Variants in CBFA2T2 observed in about 807,000 individuals in gnomAD.
The protein encoded by CBFA2T2 is protein CBFA2T2.
A neutral mutation model predicts 62.2 loss-of-function variants in CBFA2T2; 11 were observed. The observed-to-expected ratio is 0.18, with a 90% CI of 0.11 to 0.29. CBFA2T2 has a LOEUF of 0.29. CBFA2T2 is among the 10% of genes least tolerant of loss of function. CBFA2T2 has a pLI of 1.00. For synonymous variants in CBFA2T2, 295 were observed against 287.5 expected (o/e 1.03, Z -0.27); for missense variants, 592 against 774.1 (o/e 0.76, Z 2.79).
intron 9 of CBFA2T2, chr20:33,639,403 T>A (rs1325912160): frequency 2.0e-5 from 3 of 152,084 alleles, no homozygotes; most frequent in Admixed American, 2.0e-4. Flanking sequence ...TGAAACCCTG[T>A]CTCTATTAAA....
chr20:33,557,551 G>T lies in CBFA2T2; in HGVS notation c.35-49405G>T, dbSNP rs2012939454. ...AGACAGGGTCTCACTCTGTCACCCAGGGTGAAGTGCAGTGGTGGGATCATA... is the reference window on the plus strand; with the variant it reads ...AGACAGGGTCTCACTCTGTCACCCATGGTGAAGTGCAGTGGTGGGATCATA... On this transcript the variant is annotated intron_variant, in intron 1 of 10. Transcript: ENST00000342704. Among the ~76,000 whole-genome samples the T allele has an allele frequency of 2.6e-5, 4 of 152,222 alleles. No individual in the cohort carries two copies. In the South Asian group the frequency reaches 8.3e-4, roughly 32 times the overall value.
Position 33,498,783 on chromosome 20 carries a change from C to T in CBFA2T2, c.34+8482C>T, listed in dbSNP as rs139527641. ...AATGGCCAGGCACAGTGGCTCATAC[C>T]TGTAACCCCAGCACTTTGGGAGGCC... On this transcript the variant is annotated intron_variant, in intron 1 of 10. Coordinates refer to ENST00000342704, the MANE Select transcript of CBFA2T2 (RefSeq NM_001032999.3). Among the ~76,000 whole-genome samples the T allele has an allele frequency of 6.0e-3, 918 of 152,018 alleles. 14 individuals carry two copies. Among genetic ancestry groups the T allele is most frequent in the African/African-American group, 0.021 (885 of 41,500 alleles).
chr20:33,640,239 GAAA>G, intron 9 of CBFA2T2, 99 bp from the exon 10 acceptor site: 2 of 1,085,794 alleles, frequency 1.8e-6, no homozygotes, highest in Non-Finnish European at 2.7e-6. Context: ...TGGAGTTTTA[GAAA>G]AGATCACTTT....
At chr20:33,525,714 C>T (rs1212638291) in intron 1 of CBFA2T2, among the ~76,000 whole-genome samples, 3 of 152,150 alleles carry the variant, frequency 2.0e-5, no homozygotes, top group Non-Finnish European at 4.4e-5. Flanking sequence ...TGCAGTGGTA[C>T]AGTCACAGCT....
intron 6 of CBFA2T2, among the ~76,000 whole-genome samples, chr20:33,627,286 A>G (rs1334910076): frequency 7.9e-5 from 12 of 152,086 alleles, no homozygotes; most frequent in Admixed American, 7.2e-4. Flanking sequence ...AGTCCCAGCT[A>G]CTTGGGAGGC....
intron 1 of CBFA2T2, among the ~76,000 whole-genome samples, chr20:33,593,555 G>A (rs2014757370): frequency 2.6e-5 from 4 of 151,526 alleles, no homozygotes. Context: ...ACCACGCCTG[G>A]CTAATTTTTG....
At position 33,644,579 on chromosome 20, in the gene CBFA2T2, C is replaced by A. The variant is rs1471715205; in HGVS notation, c.1721C>A (p.Thr574Asn). The part of the protein sequence containing the change: ...CSVPSPALDK[T>N]SATTSRSSTP... ...GTGCCCAGCCCAGCCCTCGACAAGA[C>A]CTCGGCAACCACATCGCGTTCCTCA... Residue 574 changes from threonine to asparagine, a missense_variant, in exon 11 of 11, where the codon ACC (threonine) becomes AAC (asparagine). Around this residue, in one of 3 missense-constraint regions of CBFA2T2, gnomAD observed 85 missense variants for 99.0 expected, o/e 0.86. Coordinates refer to ENST00000342704, the MANE Select transcript of CBFA2T2 (RefSeq NM_001032999.3). 2.5e-6 allele frequency: 4 copies of A among 1,613,180 alleles called. No individual in the cohort carries two copies. The Admixed American group carries it at 6.7e-5, about 27-fold the overall frequency.
At chr20:33,591,853 C>T (rs927825314) in intron 1 of CBFA2T2, among the ~76,000 whole-genome samples, 3 of 6,064 alleles carry the variant, frequency 4.9e-4, no homozygotes, top group South Asian at 6.2e-3. Context: ...CCAATTGTGG[C>T]GGGGTGGGAG....
At chr20:33,545,025 T>TAGAATAGAATA in intron 1 of CBFA2T2, among the ~76,000 whole-genome samples, 1 of 133,970 alleles carries the variant, frequency 7.5e-6, no homozygotes, top group African/African-American at 3.1e-5. Flanking sequence ...CAGAACAGAA[T>TAGAATAGAATA]GCAAGGTAGA....
chr20:33,561,336 A>T (rs988717213), intron 1 of CBFA2T2, among the ~76,000 whole-genome samples: 4 of 151,892 alleles, frequency 2.6e-5, no homozygotes, highest in Admixed American at 2.6e-4. Context: ...TGGCCTCCCA[A>T]AGTGTTGGGA....
At chr20:33,537,505 C>G (rs538074455) in intron 1 of CBFA2T2, among the ~76,000 whole-genome samples, 2 of 152,064 alleles carry the variant, frequency 1.3e-5, no homozygotes, top group East Asian at 3.8e-4. Context: ...GACCGTGGGC[C>G]GTGGTGAGAG....
chr20:33,526,634 G>T (rs2011894783), intron 1 of CBFA2T2, among the ~76,000 whole-genome samples: 1 of 151,952 alleles, frequency 6.6e-6, no homozygotes. Context: ...CTAAAAGTTT[G>T]TCAAACACCC....
At chr20:33,590,353 C>T (rs937949840) in intron 1 of CBFA2T2, among the ~76,000 whole-genome samples, 4 of 151,658 alleles carry the variant, frequency 2.6e-5, no homozygotes, top group Non-Finnish European at 4.4e-5. Flanking sequence ...TTTTAAGTAC[C>T]TGTTGGCCCA....
chr20:33,623,075 G>A lies in CBFA2T2; in HGVS notation c.511-40G>A, dbSNP rs1432316500. ...CCTTTGAGGTGCTGAGCCTTCTTGT[G>A]TAGGGCCTAACACTGGAAAAACTGC... On this transcript the variant is annotated intron_variant, in intron 4 of 10. Coordinates refer to ENST00000342704, the MANE Select transcript of CBFA2T2 (RefSeq NM_001032999.3). 5 of 1,608,414 alleles carry A rather than the reference G, an allele frequency of 3.1e-6. No homozygotes were observed. In the African/African-American group the frequency reaches 4.0e-5, roughly 13 times the overall value.
At chr20:33,535,997 G>A (rs902584557) in intron 1 of CBFA2T2, among the ~76,000 whole-genome samples, 4 of 152,196 alleles carry the variant, frequency 2.6e-5, no homozygotes, top group African/African-American at 2.4e-5. Flanking sequence ...TAAGGTCACC[G>A]ATCAACAGGA....
chr20:33,543,621 T>G (rs1443427471), intron 1 of CBFA2T2, among the ~76,000 whole-genome samples: 1 of 152,136 alleles, frequency 6.6e-6, no homozygotes, highest in African/African-American at 2.4e-5. Context: ...AAGAGCGTTC[T>G]TAGAGGGAAG....
chr20:33,514,921 T>C (rs1269341890), intron 1 of CBFA2T2, among the ~76,000 whole-genome samples: 1 of 151,794 alleles, frequency 6.6e-6, no homozygotes, highest in Non-Finnish European at 1.5e-5. Context: ...CTTGAACTCC[T>C]AACCTTGTGA....
chr20:33,550,530 G>A (rs1211704260), intron 1 of CBFA2T2, among the ~76,000 whole-genome samples: 1 of 152,132 alleles, frequency 6.6e-6, no homozygotes, highest in Non-Finnish European at 1.5e-5. Context: ...TGTTAATCAA[G>A]ACACACCACC....
intron 1 of CBFA2T2, among the ~76,000 whole-genome samples, chr20:33,560,551 CTAT>C (rs910066032): frequency 6.6e-6 from 1 of 152,186 alleles, no homozygotes; most frequent in Non-Finnish European, 1.5e-5. Context: ...GCTGGTGTTA[CTAT>C]TATTACCACC....
Sources: gnomAD v4.1 joint callset for allele counts (sites outside exome capture counted in the v4.1 genomes callset) on GRCh38, gnomAD v4.1.1 for gene constraint, gnomAD v4.1.1 regional missense constraint, MANE v1.5 for transcripts, NCBI Gene and HGNC (gene_info 2026-07-23, HGNC 2026-07-21) for gene names.